The following OSBPL3 variants were observed in gnomAD, a reference collection of about 807,000 sequenced individuals.
OSBPL3 encodes the protein oxysterol binding protein like 3.
A neutral mutation model predicts 120.1 loss-of-function variants in OSBPL3; 65 were observed. That is an observed-to-expected ratio of 0.54 (90% CI 0.44 to 0.67). The LOEUF (loss-of-function observed/expected upper bound fraction) is 0.67. Among genes scored for constraint, OSBPL3 ranks in the 30% least tolerant of loss-of-function variants. OSBPL3 has a pLI of 0.00. For missense variants in OSBPL3, 1,004 were observed against 1,082.1 expected (o/e 0.93, Z 1.01); for synonymous variants, 416 against 402.6 (o/e 1.03, Z -0.40).
rs1814557109 is a variant in OSBPL3 at position 24,952,474 on chromosome 7, T to C, written c.-150+27412A>G. 6.6e-6 allele frequency among the ~76,000 whole-genome samples: 1 copy of C among 152,198 alleles called. No individual in the cohort carries two copies. The highest frequency in any genetic ancestry group is 1.9e-4 in the East Asian group (1 of 5,200). ...AGAAGGTATGGTCTAATCTAACATG[T>C]CTAAAATATTATTTGTAATACCCTT... On this transcript the variant is annotated intron_variant, in intron 1 of 22. Transcript: ENST00000313367. The surrounding 1 kb of genome is among the most constrained non-coding windows in gnomAD (Gnocchi z 4.4).
intron 14 of OSBPL3, among the ~76,000 whole-genome samples, chr7:24,840,262 C>T (rs1347732737): frequency 1.3e-5 from 2 of 152,074 alleles, no homozygotes; most frequent in African/African-American, 2.4e-5. Flanking sequence ...GTTTGAACCG[C>T]ATCAGTCCAC....
chr7:24,954,313 C>T (rs7793402), intron 1 of OSBPL3, among the ~76,000 whole-genome samples: 60 of 152,280 alleles, frequency 3.9e-4, no homozygotes, highest in African/African-American at 1.4e-3. Flanking sequence ...TTAATCCTTT[C>T]TCCATAAGGA....
intron 10 of OSBPL3, among the ~76,000 whole-genome samples, chr7:24,858,675 T>C (rs1276454659): frequency 6.6e-6 from 1 of 152,204 alleles, no homozygotes; most frequent in African/African-American, 2.4e-5. Flanking sequence ...CCAGTCTAGG[T>C]ATGTGGCAGC....
At chr7:24,920,955 A>G (rs1238297390) in intron 1 of OSBPL3, among the ~76,000 whole-genome samples, 1 of 152,186 alleles carries the variant, frequency 6.6e-6, no homozygotes, top group African/African-American at 2.4e-5. Context: ...GTTGTTGACA[A>G]TTATATCCAG....
At chr7:24,958,877 A>G (rs1419879591) in intron 1 of OSBPL3, among the ~76,000 whole-genome samples, 3 of 152,178 alleles carry the variant, frequency 2.0e-5, no homozygotes, top group Non-Finnish European at 4.4e-5. Context: ...CTAGACATCC[A>G]TATCACCACT....
intron 2 of OSBPL3, among the ~76,000 whole-genome samples, chr7:24,880,302 A>G (rs1440263269): frequency 6.6e-6 from 1 of 152,176 alleles, no homozygotes; most frequent in Non-Finnish European, 1.5e-5. Context: ...GATCCCACGC[A>G]GAACCTCGCA....
chr7:24,903,368 C>T (rs1477322408), intron 1 of OSBPL3, among the ~76,000 whole-genome samples: 1 of 152,224 alleles, frequency 6.6e-6, no homozygotes, highest in Non-Finnish European at 1.5e-5. Context: ...GATCAAGAGA[C>T]CCAAGTGGCC....
intron 1 of OSBPL3, among the ~76,000 whole-genome samples, chr7:24,915,854 C>G (rs774288982): frequency 6.6e-6 from 1 of 152,078 alleles, no homozygotes; most frequent in African/African-American, 2.4e-5. Flanking sequence ...GGATTACAGG[C>G]GTGAGCCACC....
intron 1 of OSBPL3, among the ~76,000 whole-genome samples, chr7:24,949,191 G>A (rs955437379): frequency 6.6e-6 from 1 of 152,112 alleles, no homozygotes; most frequent in East Asian, 1.9e-4. Flanking sequence ...TGTATAACCT[G>A]CCATTTTCAT....
In OSBPL3 at chr7:24,872,425, A is replaced by C. The variant is rs1309933757; in HGVS notation, c.97-356T>G. ...TACTGTTCGTTCAGCACTAGACTTCAGTCTGAATTTTAACCGAAAGAGAGT... is the reference window on the plus strand; with the variant it reads ...TACTGTTCGTTCAGCACTAGACTTCCGTCTGAATTTTAACCGAAAGAGAGT... On this transcript the variant is annotated intron_variant, in intron 2 of 22. Transcript: ENST00000313367. The surrounding 1 kb of genome is among the most constrained non-coding windows in gnomAD (Gnocchi z 4.1). 6.8e-6 allele frequency among the ~76,000 whole-genome samples: 1 copy of C among 147,040 alleles called. No individual in the cohort carries two copies. Among genetic ancestry groups the C allele is most frequent in the East Asian group, 2.0e-4 (1 of 5,048 alleles).
At chr7:24,901,488 G>A (rs1480594951) in intron 1 of OSBPL3, among the ~76,000 whole-genome samples, 1 of 152,236 alleles carries the variant, frequency 6.6e-6, no homozygotes, top group African/African-American at 2.4e-5. Flanking sequence ...ATATGTACCT[G>A]TCTTTGATCC....
intron 1 of OSBPL3, among the ~76,000 whole-genome samples, chr7:24,945,423 T>C (rs746651361): frequency 4.5e-4 from 68 of 152,368 alleles, no homozygotes; most frequent in South Asian, 1.0e-3. Context: ...GAATTGGAGA[T>C]ATATCAGTGA....
At chr7:24,847,857 C>T (rs1236926266) in intron 12 of OSBPL3, among the ~76,000 whole-genome samples, 3 of 152,140 alleles carry the variant, frequency 2.0e-5, no homozygotes, top group African/African-American at 4.8e-5. Context: ...AAGGTCAAGG[C>T]GCCGTAAGTA....
At chr7:24,832,913 T>C (rs1796571721) in intron 15 of OSBPL3, among the ~76,000 whole-genome samples, 1 of 152,188 alleles carries the variant, frequency 6.6e-6, no homozygotes, top group South Asian at 2.1e-4. Flanking sequence ...GAGAAGCCTC[T>C]CCTCAAACCT....
In OSBPL3 at chr7:24,802,457, G is replaced by A. The variant is rs550525420; in HGVS notation, c.2567+1858C>T. Among the ~76,000 whole-genome samples the A allele has an allele frequency of 4.6e-5, 7 of 152,334 alleles. No individual in the cohort carries two copies. The South Asian group carries it at 1.2e-3, about 27-fold the overall frequency. On this transcript the variant is annotated intron_variant, in intron 22 of 22. Coordinates refer to ENST00000313367, the MANE Select transcript of OSBPL3 (RefSeq NM_015550.4). The surrounding 1 kb of genome is among the most constrained non-coding windows in gnomAD (Gnocchi z 4.1). ...TTACAGACAGTCAAAAAGAAAAAGA[G>A]CAATGGCCGCCCCAGCTGAAGCAGC...
In OSBPL3 at chr7:24,901,496, T is replaced by C. The variant is rs968119422; in HGVS notation, c.-149-8875A>G. On this transcript the variant is annotated intron_variant, in intron 1 of 22. Transcript: ENST00000313367. ...TCAACACATATGTACCTGTCTTTGA[T>C]CCTCAACACAAAACACCCATGCACC... 3.9e-5 allele frequency among the ~76,000 whole-genome samples: 6 copies of C among 152,378 alleles called. No individual in the cohort carries two copies. The East Asian group carries it at 9.6e-4, about 24-fold the overall frequency.
chr7:24,936,533 T>C lies in OSBPL3; in HGVS notation c.-150+43353A>G, dbSNP rs1466098814. On this transcript the variant is annotated intron_variant, in intron 1 of 22. Transcript: ENST00000313367. This position sits in a 1 kb window ranked among gnomAD's most constrained non-coding sequence, Gnocchi z 4.2. ...GTAAACAGCCAATTCTGTCTAGGAG[T>C]GGGAAAGCAGAATGACTCTGAGAAA... Among the ~76,000 whole-genome samples, 1 of 151,804 alleles carries C rather than the reference T, an allele frequency of 6.6e-6. No individual in the cohort carries two copies. The highest frequency in any genetic ancestry group is 1.5e-5 in the Non-Finnish European group (1 of 67,954).
chr7:24,841,309 T>TATA (rs70942885), intron 13 of OSBPL3, among the ~76,000 whole-genome samples: 84,563 of 150,764 alleles, frequency 0.56, 24,216 homozygotes, highest in East Asian at 0.76. Flanking sequence ...ATCATAAAAA[T>TATA]ATAATTATAT....
Position 24,878,611 on chromosome 7 carries a change from C to T in OSBPL3, c.97-6542G>A, listed in dbSNP as rs1233486064. Among the ~76,000 whole-genome samples the T allele has an allele frequency of 4.6e-5, 7 of 152,220 alleles. No homozygotes were observed. In the East Asian group the frequency reaches 1.3e-3, roughly 29 times the overall value. Reference sequence around the variant, plus strand: ...TGATGCTAGACCAAAACTGTACTCACATTTCAATCACTGAGAACTGGAGTT... The same window carrying T: ...TGATGCTAGACCAAAACTGTACTCATATTTCAATCACTGAGAACTGGAGTT... On this transcript the variant is annotated intron_variant, in intron 2 of 22. Coordinates refer to ENST00000313367, the MANE Select transcript of OSBPL3 (RefSeq NM_015550.4).
Sources: gnomAD v4.1 joint callset for allele counts (sites outside exome capture counted in the v4.1 genomes callset) on GRCh38, gnomAD v4.1.1 for gene constraint, Gnocchi (gnomAD v3.1) non-coding constraint, MANE v1.5 for transcripts, NCBI Gene and HGNC (gene_info 2026-07-23, HGNC 2026-07-21) for gene names.